Variants in CFAP96 observed in about 807,000 individuals in gnomAD.
The protein encoded by CFAP96 is cilia-and flagella-associated protein 96.
At chr4:185,425,910 A>G in the CFAP96 span, 5 of 1,581,652 alleles carry the variant, frequency 3.2e-6, no homozygotes, top group African/African-American at 1.3e-5. Context: ...CGCCTGCCCA[A>G]AAGTTCCGGG....
At chr4:185,443,788 AATTC>A in the CFAP96 span, among the ~76,000 whole-genome samples, 23 of 151,834 alleles carry the variant, frequency 1.5e-4, no homozygotes, top group African/African-American at 5.3e-4. Context: ...TTCTATTTTT[AATTC>A]ATTCATTTTG....
chr4:185,422,801 G>A, the CFAP96 span, among the ~76,000 whole-genome samples: 1 of 152,168 alleles, frequency 6.6e-6, no homozygotes, highest in Admixed American at 6.5e-5. Flanking sequence ...TTGAAATACT[G>A]AGGCCTGGGC....
the CFAP96 span, among the ~76,000 whole-genome samples, chr4:185,424,084 T>C: frequency 1.3e-5 from 2 of 151,828 alleles, no homozygotes; most frequent in African/African-American, 4.8e-5. Flanking sequence ...GAGGATCACT[T>C]TGAGCCCAGG....
At chr4:185,430,740 A>G in the CFAP96 span, among the ~76,000 whole-genome samples, 1 of 151,736 alleles carries the variant, frequency 6.6e-6, no homozygotes, top group Non-Finnish European at 1.5e-5. Context: ...CTGTCTCTAC[A>G]AAAAATACAA....
chr4:185,428,464 C>A, the CFAP96 span, among the ~76,000 whole-genome samples: 1 of 149,940 alleles, frequency 6.7e-6, no homozygotes, highest in Admixed American at 6.6e-5. Context: ...TCCAGCTACT[C>A]AGGTGGCTGA....
At chr4:185,439,369 A>G in the CFAP96 span, among the ~76,000 whole-genome samples, 6 of 152,206 alleles carry the variant, frequency 3.9e-5, no homozygotes. Flanking sequence ...GGAAGAGGAC[A>G]AGCAAGGGCA....
chr4:185,442,826 T>A, the CFAP96 span, among the ~76,000 whole-genome samples: 1 of 152,184 alleles, frequency 6.6e-6, no homozygotes, highest in Non-Finnish European at 1.5e-5. Flanking sequence ...CACTCCCCAC[T>A]TTTTACTTGT....
the CFAP96 span, chr4:185,449,451 A>G: frequency 2.0e-6 from 1 of 506,738 alleles, no homozygotes; most frequent in Non-Finnish European, 3.5e-6. Context: ...AAAGCCTAGG[A>G]GGTTGAGGTT....
At chr4:185,411,588 CT>C in the CFAP96 span, among the ~76,000 whole-genome samples, 1 of 151,890 alleles carries the variant, frequency 6.6e-6, no homozygotes, top group South Asian at 2.1e-4. Flanking sequence ...GAATGCACAT[CT>C]ATATTGTTGA....
the CFAP96 span, chr4:185,425,749 G>A: frequency 2.2e-5 from 33 of 1,467,784 alleles, no homozygotes; most frequent in South Asian, 3.8e-4. Flanking sequence ...GCAGCTCGCA[G>A]CTGCCATCTT....
At chr4:185,419,320 C>T in the CFAP96 span, among the ~76,000 whole-genome samples, 2 of 151,940 alleles carry the variant, frequency 1.3e-5, no homozygotes, top group East Asian at 1.9e-4. Context: ...TTAGTAGAGA[C>T]GGGGTTTCAC....
At chr4:185,439,887 CAT>C in the CFAP96 span, among the ~76,000 whole-genome samples, 144 of 145,692 alleles carry the variant, frequency 9.9e-4, 1 homozygote, top group African/African-American at 3.0e-3. Flanking sequence ...GTTATATATA[CAT>C]ATCTCACATA....
the CFAP96 span, among the ~76,000 whole-genome samples, chr4:185,437,588 A>G: frequency 3.9e-5 from 6 of 152,224 alleles, no homozygotes; most frequent in Non-Finnish European, 8.8e-5. Context: ...AAACTCAGGA[A>G]CAGTTTTCTA....
the CFAP96 span, chr4:185,415,199 A>G: frequency 1.2e-6 from 2 of 1,607,186 alleles, no homozygotes; most frequent in African/African-American, 2.7e-5. Flanking sequence ...CCTGAAGGAT[A>G]TGAAATTGTT....
the CFAP96 span, chr4:185,425,952 C>T: frequency 6.6e-7 from 1 of 1,516,318 alleles, no homozygotes; most frequent in Non-Finnish European, 9.0e-7. Context: ...ACCGCACGGC[C>T]CAGGGGCGGG....
the CFAP96 span, chr4:185,425,747 C>A: frequency 6.9e-7 from 1 of 1,447,656 alleles, no homozygotes; most frequent in Non-Finnish European, 9.5e-7. Context: ...ACGCAGCTCG[C>A]AGCTGCCATC....
At chr4:185,423,544 C>G in the CFAP96 span, among the ~76,000 whole-genome samples, 10 of 134,904 alleles carry the variant, frequency 7.4e-5, no homozygotes, top group South Asian at 1.2e-3. Context: ...ATTAACCTAA[C>G]TGCCAACAAT....
chr4:185,424,031 T>C, the CFAP96 span, among the ~76,000 whole-genome samples: 862 of 152,066 alleles, frequency 5.7e-3, 10 homozygotes, highest in African/African-American at 0.02. Flanking sequence ...CAGGGTGCAG[T>C]GGCTCACGCC....
At chr4:185,446,187 T>C in the CFAP96 span, among the ~76,000 whole-genome samples, 6 of 152,244 alleles carry the variant, frequency 3.9e-5, no homozygotes, top group African/African-American at 1.4e-4. Context: ...TTTAGAACAA[T>C]GTATTTATCA....
Sources: gnomAD v4.1 joint callset for allele counts (sites outside exome capture counted in the v4.1 genomes callset) on GRCh38, gnomAD v4.1.1 for gene constraint, MANE v1.5 for transcripts, NCBI Gene and HGNC (gene_info 2026-07-23, HGNC 2026-07-21) for gene names.